Variants in CADM2 observed in about 807,000 individuals in gnomAD.
CADM2 encodes the protein immunoglobulin superfamily member 4D.
CADM2 carries 12 observed loss-of-function variants against 49.8 expected under a neutral mutation model. That is an observed-to-expected ratio of 0.24 (90% CI 0.15 to 0.39). CADM2 has a LOEUF of 0.39. CADM2 is among the 10% of genes least tolerant of loss of function. The pLI is 1.00. For missense variants in CADM2, 378 were observed against 492.3 expected, an observed-to-expected ratio of 0.77 and a Z score of 2.20; for synonymous variants, 214 against 175.4, an observed-to-expected ratio of 1.22 and a Z score of -1.74.
chr3:85,120,061 A>T (rs1276726656), intron 1 of CADM2, among the ~76,000 whole-genome samples: 5 of 152,248 alleles, frequency 3.3e-5, no homozygotes, highest in African/African-American at 1.2e-4. Flanking sequence ...GAAGATGTAT[A>T]TGCGACCAAC....
At chr3:85,817,040 T>G (rs2073250567) in intron 3 of CADM2, among the ~76,000 whole-genome samples, 1 of 152,226 alleles carries the variant, frequency 6.6e-6, no homozygotes, top group Non-Finnish European at 1.5e-5. Context: ...AGGTTAGGTA[T>G]TCTACATTTC....
At chr3:85,881,243 A>G (rs1712718513) in intron 3 of CADM2, among the ~76,000 whole-genome samples, 1 of 152,002 alleles carries the variant, frequency 6.6e-6, no homozygotes, top group African/African-American at 2.4e-5. Flanking sequence ...TGTAACGTCC[A>G]TTTTTAATAA....
chr3:85,617,817 A>G (rs1043055661), intron 1 of CADM2, among the ~76,000 whole-genome samples: 2 of 152,210 alleles, frequency 1.3e-5, no homozygotes, highest in African/African-American at 4.8e-5. Context: ...ATGGGGTTGA[A>G]AACCAAATAT....
chr3:85,287,086 C>A (rs1026611219), intron 1 of CADM2, among the ~76,000 whole-genome samples: 2 of 152,028 alleles, frequency 1.3e-5, no homozygotes, highest in Admixed American at 1.3e-4. Flanking sequence ...TTTAACTGAA[C>A]AAATAACTTC....
At chr3:85,884,134 T>C (rs568814897) in intron 4 of CADM2, among the ~76,000 whole-genome samples, 99 of 152,328 alleles carry the variant, frequency 6.5e-4, no homozygotes, top group African/African-American at 2.4e-3. Context: ...GTTGCAGCTC[T>C]GAGCTCTCTG....
At chr3:85,513,038 C>T (rs961462047) in intron 1 of CADM2, among the ~76,000 whole-genome samples, 5 of 151,940 alleles carry the variant, frequency 3.3e-5, no homozygotes, top group Non-Finnish European at 5.9e-5. Context: ...TCTAGAGATA[C>T]GTGTAATATC....
At chr3:85,145,001 ACAGT>A (rs1475008281) in intron 1 of CADM2, among the ~76,000 whole-genome samples, 2 of 152,188 alleles carry the variant, frequency 1.3e-5, no homozygotes, top group African/African-American at 2.4e-5. Context: ...CTCTTTCTAA[ACAGT>A]CAGTTTAACT....
At chr3:85,052,464 C>T (rs2035916850) in intron 1 of CADM2, among the ~76,000 whole-genome samples, 1 of 152,068 alleles carries the variant, frequency 6.6e-6, no homozygotes, top group Non-Finnish European at 1.5e-5. Context: ...GATTCTCAAA[C>T]TCTATCTGGG....
At chr3:84,959,816 CAG>C in intron 1 of CADM2, 148 bp downstream of exon 1, 1 of 747,702 alleles carries the variant, frequency 1.3e-6, no homozygotes, top group Non-Finnish European at 2.2e-6. Flanking sequence ...CGGCAGGGGG[CAG>C]TGGCAGTTTG....
chr3:85,434,910 T>C (rs1010450448), intron 1 of CADM2, among the ~76,000 whole-genome samples: 1 of 152,050 alleles, frequency 6.6e-6, no homozygotes, highest in Non-Finnish European at 1.5e-5. Flanking sequence ...ACAGTAGAGG[T>C]GTTGTATAGT....
At chr3:85,691,033 G>C (rs1416003434) in intron 1 of CADM2, among the ~76,000 whole-genome samples, 2 of 152,028 alleles carry the variant, frequency 1.3e-5, no homozygotes, top group Non-Finnish European at 2.9e-5. Flanking sequence ...CTATCTAATT[G>C]TAACTTTATA....
chr3:85,736,862 G>C (rs2068161981), intron 2 of CADM2, among the ~76,000 whole-genome samples: 6 of 152,118 alleles, frequency 3.9e-5, no homozygotes, highest in Admixed American at 3.9e-4. Flanking sequence ...ACTTACAGTA[G>C]TCCAGGGAGA....
At chr3:85,285,019 T>C (rs2043597289) in intron 1 of CADM2, among the ~76,000 whole-genome samples, 1 of 152,084 alleles carries the variant, frequency 6.6e-6, no homozygotes, top group Admixed American at 6.6e-5. Context: ...TTTGATGGGA[T>C]AGCAGTAAAA....
At chr3:85,491,690 A>T (rs1158887697) in intron 1 of CADM2, among the ~76,000 whole-genome samples, 4 of 151,966 alleles carry the variant, frequency 2.6e-5, no homozygotes, top group Non-Finnish European at 4.4e-5. Flanking sequence ...GGTGGCTCAC[A>T]CCTGTAATCC....
At chr3:85,131,595 C>T (rs2039231756) in intron 1 of CADM2, among the ~76,000 whole-genome samples, 1 of 152,074 alleles carries the variant, frequency 6.6e-6, no homozygotes, top group Admixed American at 6.6e-5. Flanking sequence ...TATAGCGGGG[C>T]CCATGTTAGT....
rs115787863 is a variant in CADM2, at chr3:86,001,943, G to A, written c.970+40296G>A. On this transcript the variant is annotated intron_variant, in intron 8 of 9. Coordinates refer to ENST00000383699, the MANE Select transcript of CADM2 (RefSeq NM_001167675.2). ...CCAGGGTCATTATGGGACTTGGTAT[G>A]GAGGATAAAATTATGAACCTGATAG... 2.6e-3 allele frequency among the ~76,000 whole-genome samples: 388 copies of A among 152,142 alleles called. 1 individual carries two copies. Among genetic ancestry groups the A allele is most frequent in the African/African-American group, 9.1e-3 (379 of 41,516 alleles).
chr3:85,411,588 T>A (rs1472097243), intron 1 of CADM2, among the ~76,000 whole-genome samples: 1 of 152,158 alleles, frequency 6.6e-6, no homozygotes, highest in East Asian at 1.9e-4. Context: ...AGCGTAACAA[T>A]CATAGTTTAT....
At chr3:85,425,066 A>G (rs958684864) in intron 1 of CADM2, among the ~76,000 whole-genome samples, 6 of 152,218 alleles carry the variant, frequency 3.9e-5, no homozygotes, top group African/African-American at 1.4e-4. Flanking sequence ...AGAGAAATAC[A>G]TGTTTTATTA....
intron 1 of CADM2, among the ~76,000 whole-genome samples, chr3:85,219,132 A>G (rs945046679): frequency 2.6e-5 from 4 of 152,190 alleles, no homozygotes; most frequent in African/African-American, 9.6e-5. Flanking sequence ...AATGGTGAAA[A>G]GAATAATATG....
Sources: allele counts gnomAD v4.1 joint callset (sites outside exome capture counted in the v4.1 genomes callset), GRCh38; gene constraint gnomAD v4.1.1; transcripts MANE v1.5; gene names NCBI Gene and HGNC (gene_info 2026-07-23, HGNC 2026-07-21).